TPTE2: variants seen among roughly 807,000 people sequenced by gnomAD.
The protein encoded by TPTE2 is phosphatidylinositol 3,4,5-trisphosphate 3-phosphatase TPTE2.
A neutral mutation model predicts 78.6 loss-of-function variants in TPTE2; 53 were observed. The ratio of observed to expected loss-of-function variants is 0.67; its 90% confidence interval spans 0.54 to 0.85. The LOEUF (loss-of-function observed/expected upper bound fraction) is 0.85, where lower values mean the gene tolerates loss of function less well. TPTE2 is among the 40% of genes least tolerant of loss of function. The pLI is 0.00. For synonymous variants in TPTE2, 175 were observed against 206.2 expected (o/e 0.85, Z 1.30); for missense variants, 461 against 623.0 (o/e 0.74, Z 2.77).
intron 15 of TPTE2, among the ~76,000 whole-genome samples, chr13:19,435,426 G>A (rs544289361): frequency 6.6e-6 from 1 of 152,260 alleles, no homozygotes; most frequent in Admixed American, 6.5e-5. Flanking sequence ...CAAGAGTGGA[G>A]AGTGGGGTTG....
chr13:19,490,717 C>T (rs1402705961), intron 3 of TPTE2, among the ~76,000 whole-genome samples: 4 of 152,218 alleles, frequency 2.6e-5, no homozygotes, highest in Admixed American at 6.5e-5. Context: ...GGCCTGCATA[C>T]GATCTGATGG....
intron 3 of TPTE2, among the ~76,000 whole-genome samples, chr13:19,485,409 G>A (rs1380132014): frequency 2.6e-5 from 4 of 151,800 alleles, no homozygotes; most frequent in African/African-American, 7.3e-5. Context: ...GGTTTCTGCT[G>A]GGAAATCAGC....
intron 11 of TPTE2, among the ~76,000 whole-genome samples, chr13:19,450,827 T>C (rs978015685): frequency 1.3e-5 from 2 of 152,172 alleles, no homozygotes; most frequent in African/African-American, 4.8e-5. Flanking sequence ...AGAGGGCTCA[T>C]TTGTTAAATT....
At chr13:19,475,104 T>C in intron 5 of TPTE2, among the ~76,000 whole-genome samples, 1 of 152,238 alleles carries the variant, frequency 6.6e-6, no homozygotes, top group East Asian at 1.9e-4. Flanking sequence ...ATGGGGCACA[T>C]GGCTACTTAG....
chr13:19,447,144 T>C (rs77829899), intron 13 of TPTE2, among the ~76,000 whole-genome samples: 273 of 152,246 alleles, frequency 1.8e-3, no homozygotes, highest in African/African-American at 6.2e-3. Context: ...AACCAGAAGA[T>C]AGCAAGACTA....
intron 1 of TPTE2, among the ~76,000 whole-genome samples, chr13:19,497,446 G>C (rs1405857480): frequency 1.4e-4 from 16 of 118,450 alleles, no homozygotes; most frequent in Non-Finnish European, 2.2e-4. Context: ...CACGCAGCTG[G>C]AGATCTGAGA....
chr13:19,508,517 C>T (rs1449700565), intron 1 of TPTE2, among the ~76,000 whole-genome samples: 4 of 151,938 alleles, frequency 2.6e-5, no homozygotes, highest in African/African-American at 9.7e-5. Flanking sequence ...AAAAGTATGA[C>T]TGTCAAAAAA....
At chr13:19,481,043 A>C (rs1387071746) in intron 4 of TPTE2, among the ~76,000 whole-genome samples, 1 of 152,198 alleles carries the variant, frequency 6.6e-6, no homozygotes, top group African/African-American at 2.4e-5. Flanking sequence ...TATATTAACA[A>C]AAAAATATAG....
exon 12 of TPTE2, chr13:19,450,344 C>T: frequency 5.6e-6 from 9 of 1,609,124 alleles, no homozygotes; most frequent in Non-Finnish European, 7.6e-6. Context: ...AGCTCTTTCA[C>T]CTAAAATAAA....
intron 3 of TPTE2, among the ~76,000 whole-genome samples, chr13:19,484,786 C>T (rs1880557566): frequency 6.6e-6 from 1 of 152,146 alleles, no homozygotes; most frequent in Non-Finnish European, 1.5e-5. Flanking sequence ...TTGTCTGATA[C>T]AAGTATAGCT....
At chr13:19,510,239 T>C (rs1321982782) in intron 1 of TPTE2, among the ~76,000 whole-genome samples, 1 of 152,144 alleles carries the variant, frequency 6.6e-6, no homozygotes, top group Non-Finnish European at 1.5e-5. Context: ...CTGTTTAGTG[T>C]TGCCATAAGG....
At chr13:19,544,557 T>G in the TPTE2 span, among the ~76,000 whole-genome samples, 2 of 152,258 alleles carry the variant, frequency 1.3e-5, no homozygotes, top group Admixed American at 6.5e-5. Context: ...ATTAAATCTC[T>G]ATTCATTAAA....
the TPTE2 span, among the ~76,000 whole-genome samples, chr13:19,555,421 T>C: frequency 1.3e-5 from 2 of 152,220 alleles, no homozygotes; most frequent in African/African-American, 4.8e-5. Flanking sequence ...ATTTCCAGCA[T>C]TATTTGATGT....
chr13:19,439,383 C>T (rs1385707747), intron 13 of TPTE2, among the ~76,000 whole-genome samples: 3 of 151,632 alleles, frequency 2.0e-5, no homozygotes, highest in Non-Finnish European at 4.4e-5. Flanking sequence ...GCATGCTCTA[C>T]AGTCACACCC....
chr13:19,463,173 G>T (rs1208649416), intron 10 of TPTE2, among the ~76,000 whole-genome samples: 2 of 151,484 alleles, frequency 1.3e-5, no homozygotes, highest in Non-Finnish European at 2.9e-5. Flanking sequence ...TTAGAGACAG[G>T]ATTTTGCCAT....
chr13:19,512,922 C>T (rs1593411471), intron 1 of TPTE2, among the ~76,000 whole-genome samples: 1 of 152,190 alleles, frequency 6.6e-6, no homozygotes, highest in East Asian at 1.9e-4. Flanking sequence ...TTTGTAGAAT[C>T]CTTGGGCCAT....
rs538452398 is a variant in TPTE2, at chr13:19,424,783, A to G, written c.1466+164T>C. Among the ~76,000 whole-genome samples the G allele has an allele frequency of 2.1e-4, 32 of 152,342 alleles. No individual in the cohort carries two copies. In the South Asian group the frequency reaches 4.3e-3, roughly 21 times the overall value. Reference sequence around the variant, plus strand: ...GGTCTCAAGAACAAATGTATTTTTAAAATAACCAAAGTAAGAGGAGTAAGG... The same window carrying G: ...GGTCTCAAGAACAAATGTATTTTTAGAATAACCAAAGTAAGAGGAGTAAGG... On this transcript the variant is annotated intron_variant, in intron 19 of 19. Transcript: ENST00000400230.
intron 16 of TPTE2, among the ~76,000 whole-genome samples, chr13:19,432,024 GA>G (rs772100191): frequency 3.3e-3 from 157 of 46,872 alleles, no homozygotes; most frequent in Non-Finnish European, 5.4e-3. Context: ...AGGGTGATGA[GA>G]AAAAAATATG....
At chr13:19,492,820 T>A in intron 3 of TPTE2, 30 bp downstream of exon 6, 1 of 1,613,222 alleles carries the variant, frequency 6.2e-7, no homozygotes, top group Non-Finnish European at 8.5e-7. Context: ...CTCTTATGCA[T>A]ACGTGTGTCT....
Sources: gnomAD v4.1 joint callset for allele counts (sites outside exome capture counted in the v4.1 genomes callset) on GRCh38, gnomAD v4.1.1 for gene constraint, MANE v1.5 for transcripts, NCBI Gene and HGNC (gene_info 2026-07-23, HGNC 2026-07-21) for gene names.